The following CACNA2D3 variants were observed in gnomAD, a reference collection of about 807,000 sequenced individuals.
The protein encoded by CACNA2D3 is calcium voltage-gated channel auxiliary subunit alpha2delta 3.
CACNA2D3 carries 60 observed loss-of-function variants against 160.6 expected under a neutral mutation model. That is an observed-to-expected ratio of 0.37 (90% confidence interval 0.30 to 0.46). The LOEUF (loss-of-function observed/expected upper bound fraction) is 0.46, where lower values mean the gene tolerates loss of function less well. Ranked by LOEUF, CACNA2D3 falls within the 20% of genes least tolerant of loss-of-function variation. The pLI is 1.00. For missense variants in CACNA2D3, 1,205 were observed against 1,365.0 expected (o/e 0.88, Z 1.85); for synonymous variants, 558 against 492.9 (o/e 1.13, Z -1.75).
At chr3:54,671,848 G>A (rs1456027514) in intron 11 of CACNA2D3, among the ~76,000 whole-genome samples, 1 of 152,210 alleles carries the variant, frequency 6.6e-6, no homozygotes, top group African/African-American at 2.4e-5. Flanking sequence ...AATCCTGGAG[G>A]AGTTAAGTAA....
Position 54,270,763 on chromosome 3 carries a change from G to C in CACNA2D3, c.205-49679G>C, listed in dbSNP as rs144631752. 5.0e-3 allele frequency among the ~76,000 whole-genome samples: 754 copies of C among 152,252 alleles called. 4 individuals carry two copies. The highest frequency in any genetic ancestry group is 6.5e-3 in the Non-Finnish European group (445 of 68,010). ...TGATCTCAGTTCCTTGCAGCTATAGGACTGAGGTTTCTATTTCTTTGTTGG... is the reference window on the plus strand; with the variant it reads ...TGATCTCAGTTCCTTGCAGCTATAGCACTGAGGTTTCTATTTCTTTGTTGG... On this transcript the variant is annotated intron_variant, in intron 2 of 37. Transcript: ENST00000474759.
chr3:54,991,285 C>T (rs1575425172), intron 31 of CACNA2D3, among the ~76,000 whole-genome samples: 1 of 149,282 alleles, frequency 6.7e-6, no homozygotes, highest in African/African-American at 2.5e-5. Flanking sequence ...TGCAGTGGTA[C>T]AATCTCAGCT....
chr3:54,123,288 C>T (rs1250771834), intron 1 of CACNA2D3, among the ~76,000 whole-genome samples: 1 of 147,408 alleles, frequency 6.8e-6, no homozygotes, highest in African/African-American at 2.5e-5. Flanking sequence ...GGAGACTTTG[C>T]GCATTCTTAA....
At chr3:54,183,484 C>A (rs1576984464) in intron 2 of CACNA2D3, among the ~76,000 whole-genome samples, 2 of 151,696 alleles carry the variant, frequency 1.3e-5, no homozygotes, top group Admixed American at 6.6e-5. Context: ...TTTTTGCCAA[C>A]GCGCCTTTTT....
chr3:54,424,291 T>G (rs1001151103), intron 4 of CACNA2D3, among the ~76,000 whole-genome samples: 3 of 152,306 alleles, frequency 2.0e-5, no homozygotes, highest in Admixed American at 1.3e-4. Flanking sequence ...GGGGTGCAGG[T>G]GCAGCTGTGA....
chr3:54,612,255 G>A (rs1314288527), intron 9 of CACNA2D3, among the ~76,000 whole-genome samples: 1 of 152,190 alleles, frequency 6.6e-6, no homozygotes, highest in African/African-American at 2.4e-5. Context: ...GGTGTTTCCT[G>A]GTCAGACATC....
chr3:54,954,809 A>G (rs9858153), intron 27 of CACNA2D3, among the ~76,000 whole-genome samples: 5,229 of 152,316 alleles, frequency 0.034, 288 homozygotes, highest in African/African-American at 0.12. Context: ...CTGAGGGAAC[A>G]GAGAAGAGCC....
At chr3:54,178,961 A>G (rs1700725122) in intron 2 of CACNA2D3, among the ~76,000 whole-genome samples, 1 of 151,878 alleles carries the variant, frequency 6.6e-6, no homozygotes. Flanking sequence ...TGCATAGCAA[A>G]CTTTTTTTTT....
intron 4 of CACNA2D3, among the ~76,000 whole-genome samples, chr3:54,498,583 A>C (rs1196748817): frequency 6.6e-6 from 1 of 151,760 alleles, no homozygotes; most frequent in Non-Finnish European, 1.5e-5. Flanking sequence ...TTCTGTACTT[A>C]TCTCTATTAC....
At chr3:54,697,556 C>T (rs1234989703) in intron 11 of CACNA2D3, among the ~76,000 whole-genome samples, 2 of 152,144 alleles carry the variant, frequency 1.3e-5, no homozygotes, top group African/African-American at 4.8e-5. Flanking sequence ...TGTTCACTGC[C>T]CTTTCTCCAC....
At chr3:54,272,349 A>G (rs1702639148) in intron 2 of CACNA2D3, among the ~76,000 whole-genome samples, 1 of 152,098 alleles carries the variant, frequency 6.6e-6, no homozygotes, top group Admixed American at 6.5e-5. Context: ...GAAGCTTTCC[A>G]TTCTTCCTGG....
chr3:54,662,547 C>T (rs1412586976), intron 11 of CACNA2D3, among the ~76,000 whole-genome samples: 1 of 152,158 alleles, frequency 6.6e-6, no homozygotes, highest in African/African-American at 2.4e-5. Context: ...CTGTTGGTGG[C>T]CCCGTCCATA....
chr3:54,425,950 A>G (rs1699906265), intron 4 of CACNA2D3, among the ~76,000 whole-genome samples: 1 of 152,232 alleles, frequency 6.6e-6, no homozygotes, highest in Non-Finnish European at 1.5e-5. Flanking sequence ...AGGGCAGTTA[A>G]AATCAGCATA....
intron 13 of CACNA2D3, among the ~76,000 whole-genome samples, chr3:54,783,684 G>A (rs1292262072): frequency 6.6e-6 from 1 of 152,058 alleles, no homozygotes; most frequent in African/African-American, 2.4e-5. Context: ...CCTGAATTAT[G>A]TTTCCCATAG....
intron 17 of CACNA2D3, among the ~76,000 whole-genome samples, chr3:54,868,880 G>T (rs1410585147): frequency 1.3e-5 from 2 of 152,174 alleles, no homozygotes; most frequent in African/African-American, 4.8e-5. Flanking sequence ...CTTGCTAGCT[G>T]AATATTAAAA....
chr3:54,627,199 A>G (rs964380101), intron 9 of CACNA2D3, among the ~76,000 whole-genome samples: 2 of 152,224 alleles, frequency 1.3e-5, no homozygotes, highest in Non-Finnish European at 2.9e-5. Context: ...TCACAGTCTT[A>G]GGTGGGGACA....
At position 54,246,724 on chromosome 3, in the gene CACNA2D3, C is replaced by CAAAAAAAAAAAAAA. The variant is rs751213857; in HGVS notation, c.205-73711_205-73710insAAAAAAAAAAAAAA. ...GGGCAACAGGAGAGAAACTCCATCT[C>CAAAAAAAAAAAAAA]AAAAAAACAAAAAAAAGAGCCAGAA... On this transcript the variant is annotated intron_variant, in intron 2 of 37. Transcript: ENST00000474759. Among the ~76,000 whole-genome samples, 10 of 147,820 alleles carry CAAAAAAAAAAAAAA rather than the reference C, an allele frequency of 6.8e-5. 1 individual carries two copies. Among genetic ancestry groups the CAAAAAAAAAAAAAA allele is most frequent in the African/African-American group, 2.6e-4 (10 of 38,446 alleles).
chr3:54,592,510 A>G (rs1028012778), intron 9 of CACNA2D3, among the ~76,000 whole-genome samples: 1 of 152,144 alleles, frequency 6.6e-6, no homozygotes. Context: ...CCTGGAGTTC[A>G]AATATAGAAT....
At chr3:54,471,269 A>C (rs758989200) in intron 4 of CACNA2D3, among the ~76,000 whole-genome samples, 32 of 152,330 alleles carry the variant, frequency 2.1e-4, no homozygotes, top group Middle Eastern at 3.4e-3. Flanking sequence ...ACACAACTAC[A>C]TGGAAACTGA....
Sources: gnomAD v4.1 joint callset for allele counts (sites outside exome capture counted in the v4.1 genomes callset) on GRCh38, gnomAD v4.1.1 for gene constraint, MANE v1.5 for transcripts, NCBI Gene and HGNC (gene_info 2026-07-23, HGNC 2026-07-21) for gene names.